CNTN6: variants seen among roughly 807,000 people sequenced by gnomAD.
The protein encoded by CNTN6 is contactin-6.
In CNTN6, 137 loss-of-function variants were observed where a neutral mutation model predicts 122.8. The observed-to-expected ratio is 1.12, with a 90% CI of 0.97 to 1.29. The LOEUF is 1.29. CNTN6 is among the 50% of genes most tolerant of loss of function. The pLI, the probability that CNTN6 is intolerant of heterozygous loss-of-function variation, is 0.00. For synonymous variants in CNTN6, 570 were observed against 426.0 expected (o/e 1.34, Z -4.16); for missense variants, 1,634 against 1,223.4 (o/e 1.34, Z -5.01).
chr3:1,176,274 G>T lies in CNTN6; in HGVS notation c.55+28211G>T, dbSNP rs559963651. 2.1e-4 allele frequency among the ~76,000 whole-genome samples: 32 copies of T among 152,234 alleles called. No individual in the cohort carries two copies. In the South Asian group the frequency reaches 6.6e-3, roughly 32 times the overall value. On this transcript the variant is annotated intron_variant, in intron 2 of 22. Coordinates refer to ENST00000446702, the MANE Select transcript of CNTN6 (RefSeq NM_001289080.2). ...TTCTACTAAAAATACAAAATTAGCTGGATATGGTGGTGAATGCCTGTAATC... is the reference window on the plus strand; with the variant it reads ...TTCTACTAAAAATACAAAATTAGCTTGATATGGTGGTGAATGCCTGTAATC...
At chr3:1,300,211 C>G (rs1559752932) in intron 7 of CNTN6, among the ~76,000 whole-genome samples, 1 of 152,104 alleles carries the variant, frequency 6.6e-6, no homozygotes, top group African/African-American at 2.4e-5. Context: ...TGGTCTCGAT[C>G]TGCTGACCTC....
At chr3:1,339,284 T>C (rs1465126684) in intron 11 of CNTN6, among the ~76,000 whole-genome samples, 1 of 152,080 alleles carries the variant, frequency 6.6e-6, no homozygotes, top group Non-Finnish European at 1.5e-5. Context: ...GCCCTAGAAA[T>C]CCCCTAGCTC....
At chr3:1,289,706 G>A (rs1211230016) in intron 5 of CNTN6, among the ~76,000 whole-genome samples, 6 of 137,870 alleles carry the variant, frequency 4.4e-5, no homozygotes, top group African/African-American at 1.1e-4. Context: ...ACAGAGTCTC[G>A]CTCTGTGGCC....
chr3:1,300,186 G>T (rs1013868668), intron 7 of CNTN6, among the ~76,000 whole-genome samples: 3 of 151,924 alleles, frequency 2.0e-5, no homozygotes, highest in Non-Finnish European at 4.4e-5. Context: ...TGGGGTTTCA[G>T]CACGTTAGCC....
intron 2 of CNTN6, among the ~76,000 whole-genome samples, 163 bp from the exon 3 acceptor site, chr3:1,220,524 A>G (rs1473974065): frequency 6.6e-6 from 1 of 152,140 alleles, no homozygotes; most frequent in Non-Finnish European, 1.5e-5. Context: ...GGTTTACAAG[A>G]GAAAAAAATT....
intron 12 of CNTN6, among the ~76,000 whole-genome samples, chr3:1,365,799 A>G (rs914894412): frequency 2.0e-5 from 3 of 152,166 alleles, no homozygotes; most frequent in Non-Finnish European, 2.9e-5. Flanking sequence ...ATAAAAGTGG[A>G]GATAATATAC....
At chr3:1,224,370 A>G (rs2094250264) in intron 3 of CNTN6, among the ~76,000 whole-genome samples, 1 of 152,022 alleles carries the variant, frequency 6.6e-6, no homozygotes, top group African/African-American at 2.4e-5. Flanking sequence ...GAGGGATTAT[A>G]CTCAATGATA....
At chr3:1,233,734 C>CAAAAAAAAAAAAAAAAAAAAAA (rs1166507455) in intron 4 of CNTN6, among the ~76,000 whole-genome samples, 1 of 52,168 alleles carries the variant, frequency 1.9e-5, no homozygotes, top group African/African-American at 8.6e-5. Flanking sequence ...GACTCTGTCT[C>CAAAAAAAAAAAAAAAAAAAAAA]AAAAAAAAAA....
intron 10 of CNTN6, among the ~76,000 whole-genome samples, chr3:1,328,922 G>A (rs1348278094): frequency 2.0e-5 from 3 of 151,174 alleles, no homozygotes; most frequent in Non-Finnish European, 1.5e-5. Flanking sequence ...TATTTAGTGG[G>A]GAAAAAACCG....
intron 2 of CNTN6, among the ~76,000 whole-genome samples, chr3:1,200,819 A>G (rs2093853131): frequency 6.6e-6 from 1 of 152,052 alleles, no homozygotes; most frequent in Admixed American, 6.6e-5. Context: ...CTTTTTCCTT[A>G]AGAAGAATAA....
At position 1,372,377 on chromosome 3, in the gene CNTN6, C is replaced by A; in HGVS notation, c.1571C>A (p.Ser524Tyr). 6.2e-7 allele frequency: 1 copy of A among 1,613,356 alleles called. No homozygotes were observed. The highest frequency in any genetic ancestry group is 1.1e-5 in the South Asian group (1 of 91,040). The change falls in exon 13 of 23, where the codon TCC (serine) becomes TAC (tyrosine). Residue 524 changes from serine (S) to tyrosine (Y), a missense_variant. Transcript: ENST00000446702. ...GESIVLPCQV[S>Y]HDPSIEVVFV... ...AGTATAGTGCTACCATGCCAGGTGT[C>A]CCATGACCCCTCCATTGAAGTGGTA...
At chr3:1,116,962 C>T (rs768605994) in intron 1 of CNTN6, among the ~76,000 whole-genome samples, 2 of 152,108 alleles carry the variant, frequency 1.3e-5, no homozygotes, top group African/African-American at 4.8e-5. Flanking sequence ...CCCTCAGTCT[C>T]GCAAATTTCC....
intron 1 of CNTN6, among the ~76,000 whole-genome samples, chr3:1,144,229 T>A (rs1429505447): frequency 1.3e-5 from 2 of 152,152 alleles, no homozygotes; most frequent in East Asian, 3.9e-4. Flanking sequence ...AGAAATACAT[T>A]GAGTCAGTGT....
chr3:1,139,539 T>C (rs571326950), intron 1 of CNTN6, among the ~76,000 whole-genome samples: 6 of 152,164 alleles, frequency 3.9e-5, no homozygotes, highest in South Asian at 4.2e-4. Flanking sequence ...AAGAACAACC[T>C]TAAAATCACC....
intron 12 of CNTN6, among the ~76,000 whole-genome samples, chr3:1,360,211 C>T (rs1452229554): frequency 1.3e-5 from 2 of 151,966 alleles, no homozygotes; most frequent in Non-Finnish European, 2.9e-5. Context: ...AATTTTGAGC[C>T]GTTACTGTGC....
intron 8 of CNTN6, among the ~76,000 whole-genome samples, chr3:1,322,733 C>T (rs1425259464): frequency 6.6e-6 from 1 of 151,308 alleles, no homozygotes; most frequent in African/African-American, 2.4e-5. Context: ...GTGGGGAGAA[C>T]ATATTGTGTG....
intron 2 of CNTN6, among the ~76,000 whole-genome samples, chr3:1,202,974 G>T (rs771261993): frequency 4.6e-5 from 7 of 152,144 alleles, no homozygotes; most frequent in Non-Finnish European, 8.8e-5. Flanking sequence ...AGTTTAAACT[G>T]ATGTAGCAAG....
chr3:1,206,078 C>T (rs2093954022), intron 2 of CNTN6, among the ~76,000 whole-genome samples: 1 of 152,140 alleles, frequency 6.6e-6, no homozygotes, highest in South Asian at 2.1e-4. Context: ...AATCTGCAAT[C>T]TGCAAGAGTA....
At position 1,160,367 on chromosome 3, in the gene CNTN6, T is replaced by TATATATATATATATATATATAC. The variant is rs1491110079; in HGVS notation, c.55+12305_55+12306insTATATATATATATATATATACA. ...CTGTATATATATATATATATATATA[T>TATATATATATATATATATATAC]ACACACTACCTATATGGTCATTTAG... On this transcript the variant is annotated intron_variant, in intron 2 of 22. Coordinates refer to ENST00000446702, the MANE Select transcript of CNTN6 (RefSeq NM_001289080.2). Among the ~76,000 whole-genome samples, 71 of 112,506 alleles carry TATATATATATATATATATATAC rather than the reference T, an allele frequency of 6.3e-4. 2 individuals are homozygous for TATATATATATATATATATATAC. Among genetic ancestry groups the TATATATATATATATATATATAC allele is most frequent in the African/African-American group, 1.8e-3 (54 of 30,318 alleles). 73.8% of individuals were successfully genotyped at this position (112,506 alleles called of 152,430 possible). A position where few individuals can be genotyped will look rare whatever the true frequency, so the allele number is the denominator to read the frequency against.
Sources: gnomAD v4.1 joint callset for allele counts (sites outside exome capture counted in the v4.1 genomes callset) on GRCh38, gnomAD v4.1.1 for gene constraint, MANE v1.5 for transcripts, NCBI Gene and HGNC (gene_info 2026-07-23, HGNC 2026-07-21) for gene names.